MDH1B: variants seen among roughly 807,000 people sequenced by gnomAD.
MDH1B encodes malate dehydrogenase 1B, also known as putative malate dehydrogenase 1B.
Under a neutral mutation model 61.4 loss-of-function variants are expected in MDH1B, and 60 were observed. The observed-to-expected ratio is 0.98, with a 90% CI of 0.79 to 1.21. The LOEUF (loss-of-function observed/expected upper bound fraction) is 1.21. Ranked by LOEUF, MDH1B falls within the 50% of genes most tolerant of loss-of-function variation. The pLI is 0.00. For synonymous variants in MDH1B, 236 were observed against 218.7 expected, an observed-to-expected ratio of 1.08 and a Z score of -0.70; for missense variants, 587 against 632.1, an observed-to-expected ratio of 0.93 and a Z score of 0.76.
chr2:206,761,755 A>G (rs1199361314), intron 1 of MDH1B, among the ~76,000 whole-genome samples: 1 of 152,170 alleles, frequency 6.6e-6, no homozygotes, highest in Non-Finnish European at 1.5e-5. Context: ...GGCATCTGAT[A>G]GAGCAGGAGG....
At position 206,738,508 on chromosome 2, in the gene MDH1B, A is replaced by G. The variant is rs759127497; in HGVS notation, c.1532T>C (p.Phe511Ser). The G allele has an allele frequency of 1.3e-6, 2 of 1,584,914 alleles. No homozygotes were observed. The highest frequency in any genetic ancestry group is 1.7e-6 in the Non-Finnish European group (2 of 1,159,940). The change falls in exon 12 of 12, where the codon TTT becomes TCT. Residue 511 changes from phenylalanine (F) to serine (S), a missense_variant. Phe to Ser is a radical substitution (Grantham distance 155). Transcript: ENST00000374412. The part of the protein sequence containing the change: ...KPQSLEFLNE[F>S]EGKTVES ...TTAGGATTCCACGGTTTTGCCTTCA[A>G]ATTCTGTAAAAGGAAAAGAATGAAA... is the stretch of plus-strand genomic sequence containing the variant.
At chr2:206,758,537 G>A (rs551968840) in intron 2 of MDH1B, among the ~76,000 whole-genome samples, 14 of 152,032 alleles carry the variant, frequency 9.2e-5, no homozygotes, top group Non-Finnish European at 1.8e-4. Flanking sequence ...AGGCCGAGGC[G>A]GGGGGAACAT....
rs1474690579 is a variant in MDH1B at position 206,757,308 on chromosome 2, T to A, written c.199A>T (p.Arg67Ter). 1 of 1,613,978 alleles carries A rather than the reference T, an allele frequency of 6.2e-7. No individual in the cohort carries two copies. Among genetic ancestry groups the A allele is most frequent in the Non-Finnish European group, 8.5e-7 (1 of 1,179,896 alleles). The change falls in exon 3 of 12, where the codon AGA becomes TGA. Residue 67 changes from arginine (R) to a stop codon, truncating the protein, a stop_gained. Coordinates refer to ENST00000374412, the MANE Select transcript of MDH1B (RefSeq NM_001039845.3). LOFTEE classifies it high-confidence loss of function. The part of the protein sequence containing the change: ...WSHKNSPIIW[R>*]ELLDRGGKGL... ...TTTCCTCCACGATCCAACAGCTCTC[T>A]CCAGATGATAGGGGAATTCTTGTGA...
At chr2:206,752,152 G>C (rs1454680768) in intron 5 of MDH1B, among the ~76,000 whole-genome samples, 1 of 152,184 alleles carries the variant, frequency 6.6e-6, no homozygotes, top group African/African-American at 2.4e-5. Flanking sequence ...TCACACAGTT[G>C]TGTTCAAGTA....
Position 206,756,887 on chromosome 2 carries a change from G to A in MDH1B, c.413+11C>T. 6.2e-7 allele frequency: 1 copy of A among 1,613,274 alleles called. No individual in the cohort carries two copies. Among genetic ancestry groups the A allele is most frequent in the East Asian group, 2.2e-5 (1 of 44,866 alleles). On this transcript the variant is annotated intron_variant, in intron 4 of 11. Transcript: ENST00000374412. ...GTAAATCTCATGAATCCTGGGATTT[G>A]ACTGTCCCACCTGGTGATCCAGACC... is the stretch of plus-strand genomic sequence containing the variant.
intron 5 of MDH1B, among the ~76,000 whole-genome samples, chr2:206,754,303 C>G (rs1448354837): frequency 1.3e-5 from 2 of 152,160 alleles, no homozygotes; most frequent in Admixed American, 6.5e-5. Flanking sequence ...CCTGCTCCAT[C>G]TAAGGGCAAA....
intron 1 of MDH1B, among the ~76,000 whole-genome samples, chr2:206,764,885 A>T (rs1689342054): frequency 1.3e-5 from 2 of 152,114 alleles, no homozygotes; most frequent in Admixed American, 1.3e-4. Context: ...CAGCTCCTGT[A>T]ATACCTTCCC....
chr2:206,753,021 A>G (rs1335744774), intron 5 of MDH1B, among the ~76,000 whole-genome samples: 1 of 151,256 alleles, frequency 6.6e-6, no homozygotes, highest in African/African-American at 2.4e-5. Context: ...CTTTTTGCAC[A>G]AACAATTGGG....
Position 206,757,026 on chromosome 2 carries a change from G to T in MDH1B, c.285C>A (p.Val95=), listed in dbSNP as rs1210925941. The T allele has an allele frequency of 1.9e-6, 3 of 1,613,198 alleles. No homozygotes were observed. The highest frequency in any genetic ancestry group is 1.6e-4 in the Middle Eastern group (1 of 6,084). ...FLEHAQLYYD[V]TSSMTTELMM... ...TCAGTTCAGTCGTCATGCTAGAGGTGACATCATAGTAAAGCTAAATATTGG... is the reference window on the plus strand; with the variant it reads ...TCAGTTCAGTCGTCATGCTAGAGGTTACATCATAGTAAAGCTAAATATTGG... The change falls in exon 4 of 12, where the codon GTC becomes GTA. Residue 95 remains valine, a synonymous_variant. Transcript: ENST00000374412.
chr2:206,746,790 C>T (rs1688135746), intron 7 of MDH1B, among the ~76,000 whole-genome samples: 1 of 152,158 alleles, frequency 6.6e-6, no homozygotes, highest in African/African-American at 2.4e-5. Context: ...ACTCTTCTCA[C>T]CTGCTACAGC....
intron 1 of MDH1B, among the ~76,000 whole-genome samples, chr2:206,762,620 T>C (rs1689167518): frequency 6.6e-6 from 1 of 152,234 alleles, no homozygotes; most frequent in South Asian, 2.1e-4. Flanking sequence ...GCCTTTCGTA[T>C]GTCCTTTTTG....
chr2:206,739,754 C>T lies in MDH1B; in HGVS notation c.1460-93G>A, dbSNP rs1687704500. 4 of 1,138,476 alleles carry T rather than the reference C, an allele frequency of 3.5e-6. No homozygotes were observed. In the African/African-American group the frequency reaches 4.6e-5, roughly 13 times the overall value. 70.5% of individuals were successfully genotyped at this position (1,138,476 alleles called of 1,614,324 possible). A position where few individuals can be genotyped will look rare whatever the true frequency, so the allele number is the denominator to read the frequency against. ...TTTCTTCTATCTTGTTCCTTCCACT[C>T]TGAGGTTTCTCTGAATGCATTGCTC... On this transcript the variant is annotated intron_variant, in intron 10 of 11. Coordinates refer to ENST00000374412, the MANE Select transcript of MDH1B (RefSeq NM_001039845.3).
chr2:206,744,216 T>A (rs1687967652), intron 9 of MDH1B, among the ~76,000 whole-genome samples: 1 of 152,180 alleles, frequency 6.6e-6, no homozygotes, highest in Non-Finnish European at 1.5e-5. Context: ...CAACATTTAC[T>A]CCTCCCACGC....
At chr2:206,762,779 C>T (rs147718400) in intron 1 of MDH1B, among the ~76,000 whole-genome samples, 204 of 152,280 alleles carry the variant, frequency 1.3e-3, no homozygotes, top group African/African-American at 4.5e-3. Context: ...AGATACTTTC[C>T]GATCCTTTTC....
chr2:206,754,836 A>T (rs772496616), intron 5 of MDH1B, among the ~76,000 whole-genome samples, 173 bp downstream of exon 5: 9 of 150,412 alleles, frequency 6.0e-5, no homozygotes, highest in Non-Finnish European at 1.3e-4. Flanking sequence ...AAAAGCCAGT[A>T]AAAAAAAATG....
In MDH1B at chr2:206,738,395, A is replaced by T. The variant is rs1559327226; in HGVS notation, c.*88T>A. 7.8e-6 allele frequency: 8 copies of T among 1,020,138 alleles called. No individual in the cohort carries two copies. The highest frequency in any genetic ancestry group is 1.0e-5 in the Non-Finnish European group (7 of 700,520). The allele number at this position is 1,020,138 out of a possible 1,614,324, so 63.2% of individuals were successfully genotyped here. On this transcript the variant is annotated 3_prime_UTR_variant, in exon 12 of 12. Coordinates refer to ENST00000374412, the MANE Select transcript of MDH1B (RefSeq NM_001039845.3). ...AAGACTGACATAAATCTTTCAAATT[A>T]TTCTTCCTTAAATATAGACATTCAT...
intron 5 of MDH1B, among the ~76,000 whole-genome samples, chr2:206,753,495 C>T (rs938621880): frequency 7.9e-5 from 12 of 152,180 alleles, no homozygotes; most frequent in South Asian, 4.2e-4. Flanking sequence ...GGAGTCCTGA[C>T]GAGCCAATAC....
chr2:206,748,233 G>C (rs1205353440), intron 7 of MDH1B, among the ~76,000 whole-genome samples: 2 of 152,154 alleles, frequency 1.3e-5, no homozygotes, highest in Non-Finnish European at 1.5e-5. Context: ...ACAAAAATTA[G>C]CTGGGCATAG....
intron 4 of MDH1B, among the ~76,000 whole-genome samples, chr2:206,755,986 G>A (rs1178242210): frequency 6.6e-6 from 1 of 151,530 alleles, no homozygotes; most frequent in East Asian, 1.9e-4. Context: ...AAAGATGGTG[G>A]GATCAACATA....
Sources: allele counts gnomAD v4.1 joint callset (sites outside exome capture counted in the v4.1 genomes callset), GRCh38; gene constraint gnomAD v4.1.1; transcripts MANE v1.5; gene names NCBI Gene and HGNC (gene_info 2026-07-23, HGNC 2026-07-21).